The following THSD7B variants were observed in gnomAD, a reference collection of about 807,000 sequenced individuals.
THSD7B encodes thrombospondin type-1 domain-containing protein 7B.
In THSD7B, 138 loss-of-function variants were observed where a neutral mutation model predicts 213.6. That is an observed-to-expected ratio of 0.65 (90% CI 0.56 to 0.74). The LOEUF is 0.74. Among genes scored for constraint, THSD7B ranks in the 30% least tolerant of loss-of-function variants. The pLI is 0.00. For synonymous variants in THSD7B, 742 were observed against 687.0 expected, an observed-to-expected ratio of 1.08 and a Z score of -1.25; for missense variants, 1,931 against 1,991.5, an observed-to-expected ratio of 0.97 and a Z score of 0.58.
chr2:137,563,076 C>A, intron 15 of THSD7B, 145 bp from the exon 16 acceptor site: 3 of 796,644 alleles, frequency 3.8e-6, no homozygotes, highest in Non-Finnish European at 5.5e-6. Flanking sequence ...CCAAATCTAT[C>A]TTGCTTTTTT....
Position 137,353,079 on chromosome 2 carries a change from G to T in THSD7B, c.2501-52534G>T, listed in dbSNP as rs2104923767. Among the ~76,000 whole-genome samples, 2 of 152,058 alleles carry T rather than the reference G, an allele frequency of 1.3e-5. 1 individual carries two copies. The highest frequency in any genetic ancestry group is 1.3e-4 in the Admixed American group (2 of 15,238). The stretch of plus-strand genomic sequence containing the variant: ...ACAACTCTTAATTGGCCGAGTTCTG[G>T]AATTCTGACAATTGAGATGTTTTGT... On this transcript the variant is annotated intron_variant, in intron 12 of 27. Transcript: ENST00000409968.
intron 17 of THSD7B, among the ~76,000 whole-genome samples, chr2:137,600,275 C>T (rs1004510896): frequency 1.3e-5 from 2 of 152,174 alleles, no homozygotes; most frequent in Non-Finnish European, 2.9e-5. Context: ...TTATTGGTTT[C>T]AGTATCCAGT....
At chr2:136,810,772 T>A (rs989687014) in intron 1 of THSD7B, among the ~76,000 whole-genome samples, 5 of 152,252 alleles carry the variant, frequency 3.3e-5, no homozygotes, top group African/African-American at 1.2e-4. Context: ...GGCATGCTTC[T>A]TGTGGACCTG....
chr2:137,155,638 A>C (rs1382767609), intron 5 of THSD7B, among the ~76,000 whole-genome samples: 1 of 152,144 alleles, frequency 6.6e-6, no homozygotes, highest in African/African-American at 2.4e-5. Flanking sequence ...ACAGCCACAA[A>C]TTTTTAAAAA....
chr2:137,431,713 T>G (rs1687189280), intron 14 of THSD7B, among the ~76,000 whole-genome samples: 1 of 152,118 alleles, frequency 6.6e-6, no homozygotes, highest in Non-Finnish European at 1.5e-5. Flanking sequence ...GATAGGATTT[T>G]GGGCAAGATA....
intron 21 of THSD7B, among the ~76,000 whole-genome samples, chr2:137,652,229 TG>T (rs1424427905): frequency 1.3e-5 from 2 of 152,066 alleles, no homozygotes; most frequent in African/African-American, 4.8e-5. Context: ...TTTATATACT[TG>T]GGAAGTCCAG....
chr2:136,876,424 A>G (rs1683527045), intron 1 of THSD7B, among the ~76,000 whole-genome samples: 1 of 152,164 alleles, frequency 6.6e-6, no homozygotes, highest in Non-Finnish European at 1.5e-5. Context: ...AAATGTCCAG[A>G]CTAAAATCTT....
rs959839366 is a variant in THSD7B at position 137,486,945 on chromosome 2, T to C, written c.3138+35922T>C. On this transcript the variant is annotated intron_variant, in intron 15 of 27. Coordinates refer to ENST00000409968, the MANE Select transcript of THSD7B (RefSeq NM_001316349.2). The stretch of plus-strand genomic sequence containing the variant: ...AAATAAAGATGTTCTTTGAAACCAA[T>C]GAGAACAAAGCCACAACATACCAGA... 7.2e-5 allele frequency among the ~76,000 whole-genome samples: 11 copies of C among 152,166 alleles called. No homozygotes were observed. The South Asian group carries it at 1.7e-3, about 23-fold the overall frequency.
chr2:137,245,760 A>G (rs1682017225), intron 10 of THSD7B, among the ~76,000 whole-genome samples: 1 of 152,150 alleles, frequency 6.6e-6, no homozygotes. Flanking sequence ...TTGTGTAAAG[A>G]GATAGAGGAG....
Position 137,213,748 on chromosome 2 carries a change from T to A in THSD7B, c.1724-17296T>A, listed in dbSNP as rs114770642. ...ATGGTGCTTGAAATCTCAGCCAGCT[T>A]TAGCACCAGAATTATTCCCATCCTT... On this transcript the variant is annotated intron_variant, in intron 7 of 27. Transcript: ENST00000409968. 4.7e-3 allele frequency among the ~76,000 whole-genome samples: 715 copies of A among 152,166 alleles called. 4 individuals carry two copies. Among genetic ancestry groups the A allele is most frequent in the African/African-American group, 0.016 (681 of 41,526 alleles).
chr2:137,102,372 C>T (rs529524989), intron 4 of THSD7B, among the ~76,000 whole-genome samples: 3 of 152,232 alleles, frequency 2.0e-5, no homozygotes, highest in Admixed American at 1.3e-4. Context: ...ACACAAAAAC[C>T]CCATCAGAAG....
chr2:137,631,824 A>G (rs1234898687), intron 20 of THSD7B, among the ~76,000 whole-genome samples: 2 of 152,196 alleles, frequency 1.3e-5, no homozygotes, highest in African/African-American at 4.8e-5. Context: ...TTCCATGGCA[A>G]GCTGTAGGAT....
At chr2:137,406,768 C>T (rs1375564254) in intron 13 of THSD7B, among the ~76,000 whole-genome samples, 3 of 152,198 alleles carry the variant, frequency 2.0e-5, no homozygotes, top group Non-Finnish European at 4.4e-5. Context: ...AGGTGAAATG[C>T]ATAACCATAA....
At chr2:137,295,727 TC>T (rs1481412200) in intron 12 of THSD7B, among the ~76,000 whole-genome samples, 1 of 152,022 alleles carries the variant, frequency 6.6e-6, no homozygotes, top group African/African-American at 2.4e-5. Flanking sequence ...TCCTGCCTCA[TC>T]CTCCCAAAGT....
rs750806793 is a variant in THSD7B, at chr2:137,233,123, A to G, written c.2140A>G (p.Met714Val). ...FCVKSHVGQV[M>V]TKRCPDSTRP... is the part of the protein sequence containing the mutation. ...TGTCAAGAGTCACGTGGGACAAGTA[A>G]TGACCAAAAGGTATTTATTAGGCTG... The change falls in exon 9 of 28, where the codon ATG (methionine) becomes GTG (valine). Residue 714 changes from methionine to valine, a missense_variant. Met to Val is a conservative substitution (Grantham distance 21, BLOSUM62 1). Transcript: ENST00000409968. The G allele has an allele frequency of 6.2e-7, 1 of 1,613,136 alleles. No homozygotes were observed. The highest frequency in any genetic ancestry group is 8.5e-7 in the Non-Finnish European group (1 of 1,179,446).
intron 15 of THSD7B, among the ~76,000 whole-genome samples, chr2:137,462,759 G>A (rs1021526468): frequency 7.3e-6 from 1 of 137,850 alleles, no homozygotes; most frequent in Non-Finnish European, 1.5e-5. Flanking sequence ...CTGTGTTCAA[G>A]TAAACCTTAT....
At chr2:137,208,234 C>A (rs555958385) in intron 7 of THSD7B, among the ~76,000 whole-genome samples, 1 of 152,170 alleles carries the variant, frequency 6.6e-6, no homozygotes, top group African/African-American at 2.4e-5. Flanking sequence ...GTCCTGAAGA[C>A]CTTCCACTGG....
intron 1 of THSD7B, among the ~76,000 whole-genome samples, chr2:136,860,016 A>ATTTTTTTTT (rs3084113): frequency 3.3e-5 from 4 of 120,472 alleles, no homozygotes; most frequent in Non-Finnish European, 4.9e-5. Context: ...ACAATTCATG[A>ATTTTTTTTT]TTTTTTTTTT....
chr2:137,296,449 C>A (rs1261762616), intron 12 of THSD7B, among the ~76,000 whole-genome samples: 1 of 152,118 alleles, frequency 6.6e-6, no homozygotes, highest in Non-Finnish European at 1.5e-5. Context: ...GTTGGTAAGG[C>A]TCTATTAGCA....
Sources: allele counts gnomAD v4.1 joint callset (sites outside exome capture counted in the v4.1 genomes callset), GRCh38; gene constraint gnomAD v4.1.1; transcripts MANE v1.5; gene names NCBI Gene and HGNC (gene_info 2026-07-23, HGNC 2026-07-21).